XIAP: variants seen among roughly 807,000 people sequenced by gnomAD.
The protein encoded by XIAP is X-linked inhibitor of apoptosis, also known as E3 ubiquitin-protein ligase XIAP.
A neutral mutation model predicts 33.1 loss-of-function variants in XIAP; 3 were observed. The ratio of observed to expected loss-of-function variants is 0.09; its 90% confidence interval spans 0.04 to 0.23. XIAP has a LOEUF of 0.23. Ranked by LOEUF, XIAP falls within the 10% of genes least tolerant of loss-of-function variation. The pLI is 1.00. For synonymous variants in XIAP, 98 were observed against 121.3 expected, an observed-to-expected ratio of 0.81 and a Z score of 1.26; for missense variants, 264 against 363.0, an observed-to-expected ratio of 0.73 and a Z score of 2.22.
At chrX:123,872,496 C>T (rs2053203881) in intron 1 of XIAP, 1 of 110,280 alleles carries the variant, frequency 9.1e-6, no homozygotes, top group Non-Finnish European at 1.9e-5. Context: ...TGAGAACAGT[C>T]TGGCCAACAT....
upstream of XIAP, chrX:123,859,980 T>C: frequency 3.7e-6 from 1 of 268,749 alleles, no homozygotes; most frequent in Non-Finnish European, 7.2e-6. Flanking sequence ...CGGCCGGGGG[T>C]GGGAGGGACA....
At chrX:123,890,652 A>T (rs2053399240) in intron 3 of XIAP, among the ~76,000 whole-genome samples, 1 of 102,804 alleles carries the variant, frequency 9.7e-6, no homozygotes, top group Non-Finnish European at 2.0e-5. Context: ...AAAAAAAAAA[A>T]AAAAACTAGC....
In XIAP at chrX:123,907,133, C is replaced by T. The variant is rs1478941765; in HGVS notation, c.1446C>T (p.Pro482=). The T allele has an allele frequency of 3.3e-5, 40 of 1,209,903 alleles. No homozygotes were observed. The highest frequency in any genetic ancestry group is 4.2e-5 in the Non-Finnish European group (38 of 895,139). ...GTGCTGAAGCAGTTGACAAGTGTCC[C>T]ATGTGCTACACAGTCATTACTTTCA... ...KQCAEAVDKC[P]MCYTVITFKQ... The change falls in exon 7 of 7, where the codon CCC becomes CCT. Residue 482 remains proline (P), a synonymous_variant. Transcript: ENST00000371199.
chrX:123,879,465 C>T (rs2053277888), intron 1 of XIAP, among the ~76,000 whole-genome samples: 3 of 107,442 alleles, frequency 2.8e-5, no homozygotes, highest in African/African-American at 1.0e-4. Flanking sequence ...TACAGGCGCC[C>T]GCCACCATCC....
intron 1 of XIAP, among the ~76,000 whole-genome samples, chrX:123,873,193 C>T (rs1374169083): frequency 1.8e-5 from 2 of 109,566 alleles, no homozygotes; most frequent in African/African-American, 3.3e-5. Flanking sequence ...CCAGCACGCC[C>T]GGCTAATTTT....
intron 1 of XIAP, among the ~76,000 whole-genome samples, chrX:123,863,179 G>A (rs186002686): frequency 9.0e-5 from 10 of 111,331 alleles, no homozygotes; most frequent in East Asian, 8.7e-4. Context: ...GGCCAAGTGC[G>A]GTGGCTTTCA....
chrX:123,883,014 C>T (rs944790748), intron 1 of XIAP, among the ~76,000 whole-genome samples: 1 of 109,990 alleles, frequency 9.1e-6, no homozygotes, highest in African/African-American at 3.3e-5. Context: ...AGGCTGGTCT[C>T]GAACTCCTGA....
intron 1 of XIAP, among the ~76,000 whole-genome samples, chrX:123,866,494 A>G (rs6649104): frequency 0.051 from 2,185 of 42,656 alleles, 55 homozygotes; most frequent in African/African-American, 0.16. Flanking sequence ...ATATATGATT[A>G]ATATATAATA....
In XIAP at chrX:123,886,108, T is replaced by C. The variant is rs774308309; in HGVS notation, c.446T>C (p.Ile149Thr). 23 of 1,210,096 alleles carry C rather than the reference T, an allele frequency of 1.9e-5. No individual in the cohort carries two copies. The Admixed American group carries it at 2.8e-4, about 15-fold the overall frequency. Residue 149 changes from isoleucine (I) to threonine (T), a missense_variant, in exon 2 of 7, where the codon ATA becomes ACA. By Grantham distance (89) the Ile-to-Thr change is moderately conservative. Transcript: ENST00000371199. ...TTGAGAACTGGGCAGGTTGTAGATA[T>C]ATCAGACACCATATACCCGAGGAAC... Reference protein sequence around the residue: ...YLLRTGQVVDISDTIYPRNPA... With the variant: ...YLLRTGQVVDTSDTIYPRNPA...
chrX:123,891,149 A>T lies in XIAP; in HGVS notation c.978-89A>T, dbSNP rs28382729. On this transcript the variant is annotated intron_variant, in intron 3 of 6. Coordinates refer to ENST00000371199, the MANE Select transcript of XIAP (RefSeq NM_001167.4). Reference sequence around the variant, plus strand: ...AAGTACTGAAAAGCAAGTTAATGGAATTAATAGAATTAATATGATGGAGAT... The same window carrying T: ...AAGTACTGAAAAGCAAGTTAATGGATTTAATAGAATTAATATGATGGAGAT... 2,283 of 451,562 alleles carry T rather than the reference A, an allele frequency of 5.1e-3. 39 individuals carry two copies. In the African/African-American group the frequency reaches 0.052, roughly 10 times the overall value. 37.2% of individuals were successfully genotyped at this position (451,562 alleles called of 1,213,427 possible).
chrX:123,882,112 C>T (rs752753942), intron 1 of XIAP, among the ~76,000 whole-genome samples: 2 of 111,755 alleles, frequency 1.8e-5, no homozygotes, highest in East Asian at 5.6e-4. Flanking sequence ...GAAGGCAATT[C>T]TCATGTGTTT....
rs2053560219 is a variant in XIAP at position 123,907,049 on chromosome X, G to A, written c.1362G>A (p.Met454Ile). ...AGGAGAAGCTTTGCAAAATCTGTAT[G>A]GATAGAAATATTGCTATCGTTTTTG... ...LQEEKLCKICMDRNIAIVFVP... is the reference protein window; with the variant it reads ...LQEEKLCKICIDRNIAIVFVP... The change falls in exon 7 of 7, where the codon ATG becomes ATA. Residue 454 changes from methionine to isoleucine, a missense_variant. By Grantham distance (10) the Met-to-Ile change is conservative. Coordinates refer to ENST00000371199, the MANE Select transcript of XIAP (RefSeq NM_001167.4). 1 of 1,210,281 alleles carries A rather than the reference G, an allele frequency of 8.3e-7. No individual in the cohort carries two copies. The highest frequency in any genetic ancestry group is 1.1e-6 in the Non-Finnish European group (1 of 895,121).
rs1312928041 is a variant in XIAP, at chrX:123,912,240, A to T, written c.*5059A>T. 13 of 158,934 alleles carry T rather than the reference A, an allele frequency of 8.2e-5. No homozygotes were observed. Among genetic ancestry groups the T allele is most frequent in the Non-Finnish European group, 1.3e-4 (11 of 82,509 alleles). 13.1% of individuals were successfully genotyped at this position (158,934 alleles called of 1,213,427 possible). A position where few individuals can be genotyped will look rare whatever the true frequency, so the allele number is the denominator to read the frequency against. On this transcript the variant is annotated 3_prime_UTR_variant, in exon 7 of 7. Transcript: ENST00000371199. ...AGAAAAAAAAAAAAGACCACACAAT[A>T]AAAAAAAAAAATACAAAATAATACA...
At chrX:123,872,317 C>CT (rs777013648) in intron 1 of XIAP, among the ~76,000 whole-genome samples, 29 of 98,248 alleles carry the variant, frequency 3.0e-4, no homozygotes, top group Middle Eastern at 5.2e-3. Context: ...ACAAGAAGTC[C>CT]TTTTTTTTTT....
intron 1 of XIAP, among the ~76,000 whole-genome samples, chrX:123,867,615 G>A (rs1419243898): frequency 9.5e-6 from 1 of 105,256 alleles, no homozygotes; most frequent in East Asian, 3.0e-4. Context: ...CTTGTGATCC[G>A]CCCGCCTTGG....
intron 3 of XIAP, among the ~76,000 whole-genome samples, chrX:123,890,359 C>T (rs1397292533): frequency 1.9e-5 from 2 of 105,902 alleles, no homozygotes; most frequent in Non-Finnish European, 3.9e-5. Flanking sequence ...TGTGGTGGCT[C>T]GTGCCTGTAA....
chrX:123,869,362 CAAAAAAAA>C (rs57436822), intron 1 of XIAP, among the ~76,000 whole-genome samples: 7 of 29,725 alleles, frequency 2.4e-4, no homozygotes, highest in Middle Eastern at 0.025. Context: ...TAAAAAAATA[CAAAAAAAA>C]AAAAAAAAAA....
At chrX:123,870,792 G>GA (rs770630668) in intron 1 of XIAP, among the ~76,000 whole-genome samples, 4 of 107,253 alleles carry the variant, frequency 3.7e-5, no homozygotes, top group Admixed American at 1.0e-4. Flanking sequence ...TGTCCCAGAA[G>GA]AAAAAAAAAA....
Position 123,913,432 on chromosome X carries a change from C to T in XIAP, c.*6251C>T, listed in dbSNP as rs28382755. 0.22 allele frequency: 72,678 copies of T among 325,278 alleles called. 5,171 individuals are homozygous for T. The highest frequency in any genetic ancestry group is 0.39 in the South Asian group (14,762 of 37,962). 26.8% of individuals were successfully genotyped at this position (325,278 alleles called of 1,213,427 possible). A position where few individuals can be genotyped will look rare whatever the true frequency, so the allele number is the denominator to read the frequency against. On this transcript the variant is annotated 3_prime_UTR_variant, in exon 7 of 7. Transcript: ENST00000371199. ...TTGCAGGGAGCCAAGATGGCGCCAC[C>T]GCACTCCAGCCTAGGTGATAGAGTG...
Sources: gnomAD v4.1 joint callset for allele counts (sites outside exome capture counted in the v4.1 genomes callset) on GRCh38, gnomAD v4.1.1 for gene constraint, MANE v1.5 for transcripts, NCBI Gene and HGNC (gene_info 2026-07-23, HGNC 2026-07-21) for gene names.